Variants in MGAT4C observed in about 807,000 individuals in gnomAD.
MGAT4C encodes the protein alpha-1,3-mannosyl-glycoprotein 4-beta-N-acetylglucosaminyltransferase C.
In MGAT4C, 19 loss-of-function variants were observed where a neutral mutation model predicts 40.1. The ratio of observed to expected loss-of-function variants is 0.47; its 90% CI spans 0.33 to 0.70. MGAT4C has a LOEUF of 0.70. Among genes scored for constraint, MGAT4C ranks in the 30% least tolerant of loss-of-function variants. The probability of loss-of-function intolerance (pLI) is 0.02; values close to 1 mark genes in which losing one functional copy is unlikely to be tolerated. For missense variants in MGAT4C, 491 were observed against 563.2 expected (o/e 0.87, Z 1.30); for synonymous variants, 181 against 187.1 (o/e 0.97, Z 0.27).
intron 2 of MGAT4C, among the ~76,000 whole-genome samples, chr12:86,715,790 T>A (rs1389692300): frequency 1.3e-5 from 2 of 152,142 alleles, no homozygotes; most frequent in Non-Finnish European, 2.9e-5. Context: ...TTTAGATTAT[T>A]ATTCTGTGTA....
chr12:86,550,996 T>A (rs754968513), intron 2 of MGAT4C, among the ~76,000 whole-genome samples: 1 of 152,178 alleles, frequency 6.6e-6, no homozygotes, highest in Non-Finnish European at 1.5e-5. Context: ...CTGGCAGACA[T>A]GCCCCCAGGC....
At chr12:86,190,234 G>A (rs761672087) in intron 1 of MGAT4C, among the ~76,000 whole-genome samples, 15 of 151,944 alleles carry the variant, frequency 9.9e-5, no homozygotes, top group Non-Finnish European at 1.6e-4. Flanking sequence ...GAAAGGCAAT[G>A]CACTTTTCAC....
intron 1 of MGAT4C, among the ~76,000 whole-genome samples, chr12:86,089,190 A>T (rs1470666836): frequency 6.6e-6 from 1 of 152,010 alleles, no homozygotes. Flanking sequence ...GTATAAAGCT[A>T]TTAGAATTAT....
intron 2 of MGAT4C, among the ~76,000 whole-genome samples, chr12:86,460,600 AGCATGTGTGTGTCTGTAT>A (rs1293421996): frequency 3.9e-5 from 6 of 152,064 alleles, no homozygotes; most frequent in African/African-American, 1.4e-4. Flanking sequence ...ATTGCAGGAT[AGCATGTGTGTGTCTGTAT>A]GCATGTGTGT....
intron 3 of MGAT4C, among the ~76,000 whole-genome samples, chr12:86,409,354 C>T (rs1050384415): frequency 5.9e-5 from 9 of 152,046 alleles, no homozygotes; most frequent in South Asian, 2.1e-4. Flanking sequence ...AATGCATTGG[C>T]ATTTATAGAA....
intron 2 of MGAT4C, among the ~76,000 whole-genome samples, chr12:86,435,486 C>T (rs1957120408): frequency 6.6e-6 from 1 of 151,552 alleles, no homozygotes; most frequent in Non-Finnish European, 1.5e-5. Context: ...GTTCTATTAC[C>T]ATGTCTGAAA....
At chr12:86,383,405 A>G (rs1434603855) in intron 3 of MGAT4C, among the ~76,000 whole-genome samples, 1 of 151,972 alleles carries the variant, frequency 6.6e-6, no homozygotes, top group Non-Finnish European at 1.5e-5. Context: ...TACAAAAATT[A>G]TCTGGGCGTG....
intron 1 of MGAT4C, among the ~76,000 whole-genome samples, chr12:86,742,979 A>G (rs992206080): frequency 7.3e-5 from 11 of 150,558 alleles, no homozygotes; most frequent in African/African-American, 2.7e-4. Context: ...GTGTTTATGT[A>G]TATATGTGTG....
intron 1 of MGAT4C, among the ~76,000 whole-genome samples, chr12:86,116,440 A>G (rs1484918120): frequency 1.3e-5 from 2 of 152,034 alleles, no homozygotes; most frequent in African/African-American, 4.8e-5. Flanking sequence ...TTTTAAGGTA[A>G]AACCAACAAG....
chr12:86,430,845 G>T (rs1048471932), intron 3 of MGAT4C, among the ~76,000 whole-genome samples: 1 of 152,270 alleles, frequency 6.6e-6, no homozygotes, highest in East Asian at 1.9e-4. Context: ...GGACTCTTTG[G>T]GAGGGCTTAT....
chr12:86,801,649 G>C (rs899228834), intron 1 of MGAT4C, among the ~76,000 whole-genome samples: 2 of 151,732 alleles, frequency 1.3e-5, no homozygotes, highest in Admixed American at 6.6e-5. Context: ...TGTTACTCCT[G>C]CTTATAAAGT....
chr12:86,414,493 C>A (rs1487631495), intron 3 of MGAT4C, among the ~76,000 whole-genome samples: 1 of 152,030 alleles, frequency 6.6e-6, no homozygotes, highest in African/African-American at 2.4e-5. Flanking sequence ...ATATTGGTTA[C>A]TTTTTATTGA....
At chr12:86,177,406 T>A (rs972291872) in intron 1 of MGAT4C, among the ~76,000 whole-genome samples, 1 of 152,150 alleles carries the variant, frequency 6.6e-6, no homozygotes. Context: ...CAAGAACAAT[T>A]TTCAATGTGT....
At chr12:86,370,307 G>A (rs578249027) in intron 3 of MGAT4C, among the ~76,000 whole-genome samples, 47 of 152,122 alleles carry the variant, frequency 3.1e-4, no homozygotes, top group African/African-American at 1.1e-3. Flanking sequence ...TCTCCTACCA[G>A]GAAGTGATAC....
intron 1 of MGAT4C, among the ~76,000 whole-genome samples, chr12:86,764,468 C>A (rs1319320462): frequency 1.3e-5 from 2 of 151,754 alleles, no homozygotes; most frequent in Non-Finnish European, 2.9e-5. Context: ...GCAGTAACCT[C>A]TGCAGACTTA....
At chr12:86,549,901 G>T (rs1407997849) in intron 2 of MGAT4C, among the ~76,000 whole-genome samples, 1 of 152,272 alleles carries the variant, frequency 6.6e-6, no homozygotes, top group African/African-American at 2.4e-5. Context: ...TGTGGGGAAA[G>T]AGAAGCAGAC....
At chr12:86,607,739 A>T (rs1386978728) in intron 2 of MGAT4C, among the ~76,000 whole-genome samples, 1 of 152,196 alleles carries the variant, frequency 6.6e-6, no homozygotes, top group Non-Finnish European at 1.5e-5. Context: ...ATAATTTGAC[A>T]TGATCTATCA....
At chr12:86,519,094 C>G (rs937391873) in intron 2 of MGAT4C, among the ~76,000 whole-genome samples, 2 of 152,012 alleles carry the variant, frequency 1.3e-5, no homozygotes, top group Admixed American at 6.6e-5. Flanking sequence ...TTGGTGAGAT[C>G]GAAATTTTTA....
intron 3 of MGAT4C, among the ~76,000 whole-genome samples, chr12:86,400,937 T>G (rs1437825966): frequency 3.9e-5 from 6 of 152,184 alleles, no homozygotes; most frequent in Non-Finnish European, 8.8e-5. Context: ...ATATGTGTCT[T>G]GGAGCCTATG....
Sources: allele counts gnomAD v4.1 joint callset (sites outside exome capture counted in the v4.1 genomes callset), GRCh38; gene constraint gnomAD v4.1.1; transcripts MANE v1.5; gene names NCBI Gene and HGNC (gene_info 2026-07-23, HGNC 2026-07-21).